RAB28: variants seen among roughly 807,000 people sequenced by gnomAD.
RAB28 encodes the protein RAB28, member RAS oncogene family, also known as ras-related protein Rab-28.
RAB28 carries 24 observed loss-of-function variants against 31.7 expected under a neutral mutation model. The ratio of observed to expected loss-of-function variants is 0.76; its 90% CI spans 0.55 to 1.06. The LOEUF (loss-of-function observed/expected upper bound fraction) is 1.06, where lower values mean the gene tolerates loss of function less well. Ranked by LOEUF, RAB28 falls within the 50% of genes least tolerant of loss-of-function variation. The pLI is 0.00. For missense variants in RAB28, 254 were observed against 258.5 expected, an observed-to-expected ratio of 0.98 and a Z score of 0.12; for synonymous variants, 100 against 90.4, an observed-to-expected ratio of 1.11 and a Z score of -0.60.
intron 4 of RAB28, among the ~76,000 whole-genome samples, chr4:13,435,494 A>G (rs950496115): frequency 1.3e-5 from 2 of 151,872 alleles, no homozygotes; most frequent in Admixed American, 1.3e-4. Flanking sequence ...TAAATTAACC[A>G]AGAAGAAAAA....
At chr4:13,424,754 A>T (rs188517733) in intron 4 of RAB28, among the ~76,000 whole-genome samples, 193 of 152,244 alleles carry the variant, frequency 1.3e-3, no homozygotes, top group African/African-American at 4.6e-3. Context: ...CTGAAGTTAA[A>T]CCCTCTTTTT....
At chr4:13,400,339 G>A (rs764897633) in intron 4 of RAB28, among the ~76,000 whole-genome samples, 1 of 152,100 alleles carries the variant, frequency 6.6e-6, no homozygotes, top group Non-Finnish European at 1.5e-5. Context: ...TTTAGATACA[G>A]TTTGCTTAAA....
intron 3 of RAB28, among the ~76,000 whole-genome samples, chr4:13,462,828 C>T (rs11946521): frequency 0.056 from 8,517 of 152,192 alleles, 543 homozygotes; most frequent in African/African-American, 0.16. Flanking sequence ...AAGAGTATCT[C>T]ACTTTCTTAT....
chr4:13,446,514 C>G (rs1714706462), intron 4 of RAB28, among the ~76,000 whole-genome samples: 1 of 152,160 alleles, frequency 6.6e-6, no homozygotes, highest in African/African-American at 2.4e-5. Context: ...AAGGTAATCT[C>G]CTGATCCATG....
intron 4 of RAB28, among the ~76,000 whole-genome samples, chr4:13,423,793 T>G (rs1216880015): frequency 2.0e-5 from 3 of 152,174 alleles, no homozygotes; most frequent in African/African-American, 7.2e-5. Flanking sequence ...TTCTGTATGT[T>G]TGATATTTTT....
At chr4:13,475,515 A>G (rs1324919407) in intron 2 of RAB28, among the ~76,000 whole-genome samples, 2 of 151,600 alleles carry the variant, frequency 1.3e-5, no homozygotes, top group African/African-American at 4.8e-5. Flanking sequence ...CCATTTAACT[A>G]TGCAACTGAA....
chr4:13,451,615 T>G (rs1714971988), intron 4 of RAB28, among the ~76,000 whole-genome samples: 2 of 152,036 alleles, frequency 1.3e-5, no homozygotes, highest in Admixed American at 1.3e-4. Context: ...TTGCTTTTGT[T>G]GCCTATGTTT....
intron 4 of RAB28, among the ~76,000 whole-genome samples, chr4:13,398,058 C>T (rs1241779259): frequency 6.6e-6 from 1 of 151,868 alleles, no homozygotes; most frequent in African/African-American, 2.4e-5. Flanking sequence ...ATTAGGTTAC[C>T]TAAATCCCTT....
Position 13,433,548 on chromosome 4 carries a change from A to G in RAB28, c.391+27151T>C, listed in dbSNP as rs79289110. On this transcript the variant is annotated intron_variant, in intron 4 of 6. Coordinates refer to ENST00000330852, the MANE Select transcript of RAB28 (RefSeq NM_001017979.3). Reference sequence around the variant, plus strand: ...AAAGACAGACAAGTAGCCAACAAACATAAGAAAAAATGCCCAACATCACTA... The same window carrying G: ...AAAGACAGACAAGTAGCCAACAAACGTAAGAAAAAATGCCCAACATCACTA... Among the ~76,000 whole-genome samples the G allele has an allele frequency of 5.9e-5, 9 of 152,344 alleles. No homozygotes were observed. The East Asian group carries it at 1.7e-3, about 29-fold the overall frequency.
At chr4:13,391,317 C>G (rs923247693) in intron 4 of RAB28, among the ~76,000 whole-genome samples, 53 of 152,316 alleles carry the variant, frequency 3.5e-4, no homozygotes, top group African/African-American at 1.2e-3. Context: ...CTCATCATCA[C>G]TGGTCATCAG....
At chr4:13,373,094 C>G (rs1357367635) in intron 6 of RAB28, among the ~76,000 whole-genome samples, 1 of 152,044 alleles carries the variant, frequency 6.6e-6, no homozygotes, top group African/African-American at 2.4e-5. Flanking sequence ...ATTCTTAACA[C>G]CAAGTAGATA....
At chr4:13,376,712 G>T in intron 5 of RAB28, 90 bp from the exon 6 acceptor site, 1 of 750,020 alleles carries the variant, frequency 1.3e-6, no homozygotes, top group Non-Finnish European at 2.1e-6. Flanking sequence ...ATGATAAACA[G>T]CAATAATTGC....
At chr4:13,435,234 A>G (rs1449929143) in intron 4 of RAB28, among the ~76,000 whole-genome samples, 1 of 151,928 alleles carries the variant, frequency 6.6e-6, no homozygotes, top group East Asian at 1.9e-4. Context: ...AAGTAGTGCA[A>G]AGAGTATAGC....
intron 4 of RAB28, among the ~76,000 whole-genome samples, chr4:13,402,209 CT>C: frequency 6.6e-6 from 1 of 152,214 alleles, no homozygotes; most frequent in Non-Finnish European, 1.5e-5. Flanking sequence ...ATATATTCTT[CT>C]GTTGTCAGAT....
At chr4:13,481,465 G>A (rs922009461) in intron 1 of RAB28, among the ~76,000 whole-genome samples, 1 of 151,860 alleles carries the variant, frequency 6.6e-6, no homozygotes, top group Admixed American at 6.6e-5. Flanking sequence ...TTAATTACAG[G>A]TATTAAGTGA....
intron 4 of RAB28, among the ~76,000 whole-genome samples, chr4:13,442,565 T>C (rs1343476554): frequency 6.6e-6 from 1 of 151,966 alleles, no homozygotes; most frequent in Non-Finnish European, 1.5e-5. Context: ...TTAATCATTA[T>C]TTATGTATTT....
intron 4 of RAB28, among the ~76,000 whole-genome samples, chr4:13,404,340 T>C (rs1056916279): frequency 1.3e-5 from 2 of 152,082 alleles, no homozygotes; most frequent in Non-Finnish European, 2.9e-5. Flanking sequence ...ATCACACCAT[T>C]GCACTCCAGC....
At chr4:13,400,088 C>T (rs776462552) in intron 4 of RAB28, among the ~76,000 whole-genome samples, 3 of 152,082 alleles carry the variant, frequency 2.0e-5, no homozygotes, top group Non-Finnish European at 4.4e-5. Context: ...AAAATAACAG[C>T]TATCCTAGGA....
chr4:13,394,510 A>G (rs1729786194), intron 4 of RAB28, among the ~76,000 whole-genome samples: 1 of 152,182 alleles, frequency 6.6e-6, no homozygotes, highest in African/African-American at 2.4e-5. Context: ...CTAACAGGCC[A>G]TGTAACAGTA....
Sources: allele counts gnomAD v4.1 joint callset (sites outside exome capture counted in the v4.1 genomes callset), GRCh38; gene constraint gnomAD v4.1.1; transcripts MANE v1.5; gene names NCBI Gene and HGNC (gene_info 2026-07-23, HGNC 2026-07-21).